Variants in OGDH observed in about 807,000 individuals in gnomAD.
OGDH encodes oxoglutarate dehydrogenase.
A neutral mutation model predicts 116.6 loss-of-function variants in OGDH; 38 were observed. The observed-to-expected ratio is 0.33, with a 90% CI of 0.25 to 0.43. OGDH has a LOEUF of 0.43. Ranked by LOEUF, OGDH falls within the 20% of genes least tolerant of loss-of-function variation. OGDH has a pLI of 1.00. For missense variants in OGDH, 825 were observed against 1,357.2 expected (o/e 0.61, Z 6.16); for synonymous variants, 488 against 533.3 (o/e 0.92, Z 1.17).
chr7:44,608,106 G>A (rs1361363617), intron 1 of OGDH, among the ~76,000 whole-genome samples: 1 of 152,024 alleles, frequency 6.6e-6, no homozygotes, highest in Non-Finnish European at 1.5e-5. Context: ...TCACCCATTT[G>A]ACGTGCACAA....
intron 4 of OGDH, among the ~76,000 whole-genome samples, chr7:44,654,365 C>T (rs1332978460): frequency 6.6e-6 from 1 of 152,178 alleles, no homozygotes; most frequent in Non-Finnish European, 1.5e-5. Flanking sequence ...CTACTTAGTT[C>T]TTGCCTTTCT....
chr7:44,691,000 A>T (rs1348917546), intron 10 of OGDH, among the ~76,000 whole-genome samples: 1 of 151,848 alleles, frequency 6.6e-6, no homozygotes, highest in Non-Finnish European at 1.5e-5. Context: ...GAGAAGGGAG[A>T]TTATGTAAAA....
In OGDH at chr7:44,697,220, G is replaced by GTT; in HGVS notation, c.2052-149_2052-148dup. ...TCCCTCATTTGCTATGGGTGCTTCT[G>GTT]TTAAGACCTGGGTGGGGCCGACCCT... On this transcript the variant is annotated intron_variant, in intron 15 of 22. Coordinates refer to ENST00000222673, the MANE Select transcript of OGDH (RefSeq NM_002541.4). This position sits in a 1 kb window ranked among gnomAD's most constrained non-coding sequence, Gnocchi z 6.0. 6.9e-7 allele frequency: 1 copy of GTT among 1,442,428 alleles called. No homozygotes were observed. The highest frequency in any genetic ancestry group is 9.4e-7 in the Non-Finnish European group (1 of 1,059,052). The allele number at this position is 1,442,428 out of a possible 1,614,324, so 89.4% of individuals were successfully genotyped here.
In OGDH at chr7:44,706,813, G is replaced by A. The variant is rs571423891; in HGVS notation, c.2633-412G>A. On this transcript the variant is annotated intron_variant, in intron 20 of 22. Transcript: ENST00000222673. ...TTTTTTGTATTTTTTTAGTAGAGAC[G>A]GGGTTTCACCATGTTGCCCAGGCTG... Among the ~76,000 whole-genome samples the A allele has an allele frequency of 4.7e-4, 69 of 146,974 alleles. No individual in the cohort carries two copies. In the South Asian group the frequency reaches 0.011, roughly 23 times the overall value.
At chr7:44,701,059 C>T (rs896964961) in intron 19 of OGDH, among the ~76,000 whole-genome samples, 2 of 152,074 alleles carry the variant, frequency 1.3e-5, no homozygotes, top group African/African-American at 4.8e-5. Flanking sequence ...TGGGGGACAG[C>T]GAGGGAGTGC....
chr7:44,674,001 G>T, intron 6 of OGDH, 60 bp downstream of exon 6: 1 of 1,601,080 alleles, frequency 6.2e-7, no homozygotes, highest in Non-Finnish European at 8.5e-7. Flanking sequence ...GACCCTGTCT[G>T]TGTTGATCGG....
chr7:44,698,319 C>G (rs1788678365), intron 18 of OGDH, 56 bp downstream of exon 18: 1 of 1,567,216 alleles, frequency 6.4e-7, no homozygotes, highest in Admixed American at 1.7e-5. Context: ...GGTGGGAAAC[C>G]TGGGGAAGAG....
chr7:44,652,130 T>C (rs891419466), intron 4 of OGDH, among the ~76,000 whole-genome samples: 3 of 151,242 alleles, frequency 2.0e-5, no homozygotes, highest in African/African-American at 7.3e-5. Flanking sequence ...TTTTTTGAGA[T>C]GGAGTTTCGC....
chr7:44,675,102 G>C lies in OGDH; in HGVS notation c.936-76G>C. The C allele has an allele frequency of 3.5e-6, 4 of 1,134,914 alleles. 1 individual carries two copies. In the South Asian group the frequency reaches 5.0e-5, roughly 14 times the overall value. 70.3% of individuals were successfully genotyped at this position (1,134,914 alleles called of 1,614,324 possible). A position where few individuals can be genotyped will look rare whatever the true frequency, so the allele number is the denominator to read the frequency against. On this transcript the variant is annotated intron_variant, in intron 7 of 22. Transcript: ENST00000222673. ...TGTCCTGGGGGGAGGGGGAGGGGGGGATTGTAACACCCTCATCTGCCATCT... is the reference window on the plus strand; with the variant it reads ...TGTCCTGGGGGGAGGGGGAGGGGGGCATTGTAACACCCTCATCTGCCATCT...
chr7:44,699,007 G>A (rs1055780323), intron 18 of OGDH, among the ~76,000 whole-genome samples: 1 of 151,668 alleles, frequency 6.6e-6, no homozygotes, highest in Non-Finnish European at 1.5e-5. Context: ...AGCTGGGCAT[G>A]GTGGCGCCCA....
rs185352281 is a variant in OGDH at position 44,609,459 on chromosome 7, G to A, written c.-28+2806G>A. Reference sequence around the variant, plus strand: ...TAGGCTGTGGTGGCTGCGGTGAGCCGAGATCGCGCCACTGCACTCCAGCAT... The same window carrying A: ...TAGGCTGTGGTGGCTGCGGTGAGCCAAGATCGCGCCACTGCACTCCAGCAT... On this transcript the variant is annotated intron_variant, in intron 1 of 22. Transcript: ENST00000222673. Among the ~76,000 whole-genome samples the A allele has an allele frequency of 8.7e-5, 13 of 150,062 alleles. No individual in the cohort carries two copies. In the South Asian group the frequency reaches 1.5e-3, roughly 17 times the overall value.
rs1222391498 is a variant in OGDH at position 44,708,677 on chromosome 7, C to T, written c.*678C>T. On this transcript the variant is annotated 3_prime_UTR_variant, in exon 23 of 23. Coordinates refer to ENST00000222673, the MANE Select transcript of OGDH (RefSeq NM_002541.4). ...CCACCCCTCCTGGGCCCAGGCAGCA[C>T]CTGGAGCCCACAGAGTCTGTGTGTA... 3 of 152,278 alleles carry T rather than the reference C, an allele frequency of 2.0e-5. No homozygotes were observed. The highest frequency in any genetic ancestry group is 4.4e-5 in the Non-Finnish European group (3 of 68,112). The allele number at this position is 152,278 out of a possible 1,614,324, so 9.4% of individuals were successfully genotyped here. A position where few individuals can be genotyped will look rare whatever the true frequency, so the allele number is the denominator to read the frequency against.
At chr7:44,662,732 G>C (rs1250530181) in intron 4 of OGDH, among the ~76,000 whole-genome samples, 2 of 152,116 alleles carry the variant, frequency 1.3e-5, no homozygotes, top group African/African-American at 4.8e-5. Context: ...AAAGTGCTGG[G>C]ATTACCGGCG....
Position 44,674,527 on chromosome 7 carries a change from T to A in OGDH, c.905T>A (p.Val302Glu). 1 of 1,614,108 alleles carries A rather than the reference T, an allele frequency of 6.2e-7. No individual in the cohort carries two copies. Among genetic ancestry groups the A allele is most frequent in the Non-Finnish European group, 8.5e-7 (1 of 1,180,006 alleles). The change falls in exon 7 of 23, where the codon GTG becomes GAG. Residue 302 changes from valine (V) to glutamate (E), a missense_variant. Physicochemically the swap from Val to Glu is moderately radical, Grantham distance 121. Around this residue, in one of 7 missense-constraint regions of OGDH, gnomAD observed 171 missense variants for 276.8 expected, o/e 0.62. Transcript: ENST00000222673. Reference sequence around the variant, plus strand: ...ATTGACAAGTCTAGTGAGAATGGCGTGGACTACGTGATCATGGGCATGCCA... The same window carrying A: ...ATTGACAAGTCTAGTGAGAATGGCGAGGACTACGTGATCATGGGCATGCCA... ...TIIDKSSENG[V>E]DYVIMGMPHR...
intron 1 of OGDH, among the ~76,000 whole-genome samples, chr7:44,616,733 A>G (rs1454068085): frequency 1.4e-5 from 2 of 140,162 alleles, no homozygotes; most frequent in Non-Finnish European, 1.5e-5. Context: ...ATACACATAT[A>G]TACGTATATA....
At position 44,624,319 on chromosome 7, in the gene OGDH, A is replaced by G. The variant is rs367563456; in HGVS notation, c.-25A>G. ...TTTTTTTTTTTTTTTTTGTACAGGC[A>G]GTTGTGAAAAACTTCAGGACAAAAA... On this transcript the variant is annotated splice_region_variant and 5_prime_UTR_variant, in exon 2 of 23. Coordinates refer to ENST00000222673, the MANE Select transcript of OGDH (RefSeq NM_002541.4). The G allele has an allele frequency of 1.3e-4, 98 of 776,330 alleles. No homozygotes were observed. In the African/African-American group the frequency reaches 1.9e-3, roughly 15 times the overall value. 48.1% of individuals were successfully genotyped at this position (776,330 alleles called of 1,614,324 possible).
At chr7:44,611,492 G>T (rs1158017661) in intron 1 of OGDH, among the ~76,000 whole-genome samples, 2 of 151,758 alleles carry the variant, frequency 1.3e-5, no homozygotes, top group African/African-American at 2.4e-5. Flanking sequence ...ACCCAGGATG[G>T]TCTCGATCTC....
chr7:44,655,379 A>G (rs1337242536), intron 4 of OGDH, among the ~76,000 whole-genome samples: 1 of 152,184 alleles, frequency 6.6e-6, no homozygotes, highest in East Asian at 1.9e-4. Context: ...TGGGGGAAGG[A>G]GACAGTGTGG....
Position 44,707,909 on chromosome 7 carries a change from A to T in OGDH, c.2982A>T (p.Pro994=). The T allele has an allele frequency of 6.2e-7, 1 of 1,613,730 alleles. No individual in the cohort carries two copies. The highest frequency in any genetic ancestry group is 8.5e-7 in the Non-Finnish European group (1 of 1,179,980). Residue 994 remains proline (P), a synonymous_variant, in exon 23 of 23, where the codon CCA becomes CCT. Transcript: ENST00000222673. This position sits in a 1 kb window ranked among gnomAD's most constrained non-coding sequence, Gnocchi z 5.2. ...CCGGCCGGGACCCAGCGGCTGCTCC[A>T]GCCACCGGCAACAAGAAGACCCACC... The part of the protein sequence containing the change: ...WYAGRDPAAA[P]ATGNKKTHLT...
Sources: gnomAD v4.1 joint callset for allele counts (sites outside exome capture counted in the v4.1 genomes callset) on GRCh38, gnomAD v4.1.1 for gene constraint, gnomAD v4.1.1 regional missense constraint, Gnocchi (gnomAD v3.1) non-coding constraint, MANE v1.5 for transcripts, NCBI Gene and HGNC (gene_info 2026-07-23, HGNC 2026-07-21) for gene names.